The following TRPV1 variants were observed in gnomAD, a reference collection of about 807,000 sequenced individuals.
TRPV1 encodes transient receptor potential cation channel subfamily V member 1, also known as OTRPC1.
In TRPV1, 82 loss-of-function variants were observed where a neutral mutation model predicts 82.3. That is an observed-to-expected ratio of 1.00 (90% CI 0.83 to 1.20). TRPV1 has a LOEUF of 1.20. Among genes scored for constraint, TRPV1 ranks in the 50% most tolerant of loss-of-function variants. The probability of loss-of-function intolerance (pLI) is 0.00; values close to 1 mark genes in which losing one functional copy is unlikely to be tolerated. For missense variants in TRPV1, 1,067 were observed against 1,096.8 expected, an observed-to-expected ratio of 0.97 and a Z score of 0.38; for synonymous variants, 515 against 467.7, an observed-to-expected ratio of 1.10 and a Z score of -1.30.
At chr17:3,582,748 A>G (rs1294914320) in intron 10 of TRPV1, among the ~76,000 whole-genome samples, 12 of 152,006 alleles carry the variant, frequency 7.9e-5, no homozygotes, top group African/African-American at 2.4e-4. Flanking sequence ...ACCTGAGGTC[A>G]GGAGTTCGAG....
At chr17:3,567,504 T>C (rs1378341622) in intron 16 of TRPV1, among the ~76,000 whole-genome samples, 2 of 151,992 alleles carry the variant, frequency 1.3e-5, no homozygotes, top group Non-Finnish European at 2.9e-5. Flanking sequence ...AAGAGCCTCA[T>C]GCACTCTCGC....
chr17:3,590,552 C>T lies in TRPV1; in HGVS notation c.605-160G>A, dbSNP rs1051061690. On this transcript the variant is annotated intron_variant, in intron 5 of 16. Transcript: ENST00000572705. ...CACTGCAGGAGGCCAGGCCAGGGTC[C>T]CCCAAGGGGTCCCAGCAAGGTCCTG... is the stretch of plus-strand genomic sequence containing the variant. Among the ~76,000 whole-genome samples, 14 of 152,210 alleles carry T rather than the reference C, an allele frequency of 9.2e-5. 3 individuals carry two copies. Among genetic ancestry groups the T allele is most frequent in the East Asian group, 1.9e-4 (1 of 5,158 alleles).
chr17:3,570,206 A>C (rs2074833941), intron 16 of TRPV1, among the ~76,000 whole-genome samples: 1 of 151,996 alleles, frequency 6.6e-6, no homozygotes, highest in African/African-American at 2.4e-5. Context: ...CGTTTCTACT[A>C]TAAAAATACA....
chr17:3,568,177 C>G (rs1263711811), intron 16 of TRPV1, among the ~76,000 whole-genome samples: 1 of 151,984 alleles, frequency 6.6e-6, no homozygotes, highest in African/African-American at 2.4e-5. Context: ...AAAAAATTAG[C>G]CGGGCGTAGT....
intron 2 of TRPV1, among the ~76,000 whole-genome samples, chr17:3,595,282 A>G (rs2075208979): frequency 6.6e-6 from 1 of 152,176 alleles, no homozygotes; most frequent in South Asian, 2.1e-4. Flanking sequence ...GGCACAGAGC[A>G]GTTATGGCAC....
At position 3,592,231 on chromosome 17, in the gene TRPV1, G is replaced by A; in HGVS notation, c.120C>T (p.Leu40=). ...NSRPPPAKPQ[L]STAKSRTRLF... ...GCCGGGTGCGGCTCTTGGCCGTGGA[G>A]AGCTGGGGCTTGGCTGGAGGTGGCC... Residue 40 remains leucine (L), a synonymous_variant, in exon 3 of 17, where the codon CTC becomes CTT. Coordinates refer to ENST00000572705, the MANE Select transcript of TRPV1 (RefSeq NM_080704.4). 6.2e-7 allele frequency: 1 copy of A among 1,611,806 alleles called. No homozygotes were observed. Among genetic ancestry groups the A allele is most frequent in the Non-Finnish European group, 8.5e-7 (1 of 1,178,956 alleles).
At chr17:3,583,290 T>C in intron 10 of TRPV1, 48 bp downstream of exon 10, 1 of 1,513,524 alleles carries the variant, frequency 6.6e-7, no homozygotes, top group Non-Finnish European at 9.0e-7. Flanking sequence ...TTCTTGGCTT[T>C]TTGTTTTGGT....
Position 3,590,324 on chromosome 17 carries a change from C to T in TRPV1, c.673G>A (p.Gly225Arg), listed in dbSNP as rs199693737. Reference sequence around the variant, plus strand: ...TGGGCCGCAGCCTGGACGTCTGCTCCGTTCTCCACCAGGAGGGTCACCAGG... The same window carrying T: ...TGGGCCGCAGCCTGGACGTCTGCTCTGTTCTCCACCAGGAGGGTCACCAGG... ...MALVTLLVEN[G>R]ADVQAAAHGD... The change falls in exon 6 of 17, where the codon GGA becomes AGA. Residue 225 changes from glycine to arginine, a missense_variant. Physicochemically the swap from Gly to Arg is moderately radical, Grantham distance 125 (BLOSUM62 -2). Coordinates refer to ENST00000572705, the MANE Select transcript of TRPV1 (RefSeq NM_080704.4). 7.2e-5 allele frequency: 116 copies of T among 1,614,022 alleles called. No homozygotes were observed. The African/African-American group carries it at 1.1e-3, about 15-fold the overall frequency.
At chr17:3,601,756 T>C (rs161376) in intron 2 of TRPV1, 115,022 of 148,782 alleles carry the variant, frequency 0.77, 44,959 homozygotes, top group African/African-American at 0.88. Context: ...ACCACCACGC[T>C]CGGATTTTTT....
At chr17:3,570,823 C>T in intron 16 of TRPV1, among the ~76,000 whole-genome samples, 1 of 152,118 alleles carries the variant, frequency 6.6e-6, no homozygotes, top group East Asian at 1.9e-4. Flanking sequence ...AACCGATTCT[C>T]CTGCTTCAGC....
chr17:3,580,558 G>A (rs2074994236), intron 10 of TRPV1, 31 bp from the exon 11 acceptor site: 2 of 1,612,048 alleles, frequency 1.2e-6, no homozygotes, highest in Non-Finnish European at 8.5e-7. Flanking sequence ...TAAGATCCCA[G>A]GCAATGCTCG....
chr17:3,595,188 C>T (rs562638539), intron 2 of TRPV1, among the ~76,000 whole-genome samples: 10 of 152,274 alleles, frequency 6.6e-5, no homozygotes, highest in African/African-American at 1.7e-4. Context: ...AAAGCAGACA[C>T]GGTTCTCAGG....
At chr17:3,604,963 G>A (rs1432842953) in intron 2 of TRPV1, among the ~76,000 whole-genome samples, 2 of 152,084 alleles carry the variant, frequency 1.3e-5, no homozygotes, top group Admixed American at 1.3e-4. Flanking sequence ...TGCCCAACAC[G>A]TCCAGCCACA....
intron 2 of TRPV1, among the ~76,000 whole-genome samples, chr17:3,606,528 G>T (rs1472048198): frequency 5.3e-5 from 8 of 152,104 alleles, no homozygotes; most frequent in Admixed American, 5.2e-4. Context: ...TCATAGCATC[G>T]GGATACTGAC....
In TRPV1 at chr17:3,591,483, C is replaced by G. The variant is rs368754701; in HGVS notation, c.285-130G>C. ...AAGGGGAAAAATGATATAAAAGCTG[C>G]CCCTCAGTCTAGGTGACTGTCCAGA... On this transcript the variant is annotated intron_variant, in intron 3 of 16. Coordinates refer to ENST00000572705, the MANE Select transcript of TRPV1 (RefSeq NM_080704.4). 19 of 1,089,122 alleles carry G rather than the reference C, an allele frequency of 1.7e-5. No homozygotes were observed. In the African/African-American group the frequency reaches 2.1e-4, roughly 12 times the overall value. The allele number at this position is 1,089,122 out of a possible 1,614,324, so 67.5% of individuals were successfully genotyped here. A position where few individuals can be genotyped will look rare whatever the true frequency, so the allele number is the denominator to read the frequency against.
intron 2 of TRPV1, among the ~76,000 whole-genome samples, chr17:3,606,335 G>A (rs2150861722): frequency 6.6e-6 from 1 of 152,310 alleles, no homozygotes; most frequent in South Asian, 2.1e-4. Context: ...TCCTCACTCA[G>A]GGACCCAGGC....
chr17:3,603,395 A>G lies in TRPV1; in HGVS notation c.-34+5032T>C, dbSNP rs144149421. Among the ~76,000 whole-genome samples, 313 of 152,270 alleles carry G rather than the reference A, an allele frequency of 2.1e-3. 1 individual carries two copies. The highest frequency in any genetic ancestry group is 3.9e-3 in the Non-Finnish European group (268 of 68,006). ...CTGGGAACAAGAGGGACGAGGGCCA[A>G]TGGAGGGTCAGCAGGTGGGTAGAAC... On this transcript the variant is annotated intron_variant, in intron 2 of 16. Transcript: ENST00000572705.
chr17:3,590,182 C>T, intron 6 of TRPV1, 70 bp downstream of exon 6: 2 of 1,592,926 alleles, frequency 1.3e-6, no homozygotes, highest in South Asian at 2.3e-5. Flanking sequence ...TCCAAACTCC[C>T]TCTGTCTCTG....
chr17:3,603,229 G>A lies in TRPV1; in HGVS notation c.-34+5198C>T, dbSNP rs191426113. 4.2e-3 allele frequency among the ~76,000 whole-genome samples: 644 copies of A among 152,232 alleles called. 6 individuals carry two copies. The highest frequency in any genetic ancestry group is 7.5e-3 in the Non-Finnish European group (509 of 68,024). ...CCAAGAGTCTAAAAGACCAGCTTCC[G>A]TGGAGGGCAGCGGTCTGCGAGCCGG... On this transcript the variant is annotated intron_variant, in intron 2 of 16. Coordinates refer to ENST00000572705, the MANE Select transcript of TRPV1 (RefSeq NM_080704.4).
Sources: gnomAD v4.1 joint callset for allele counts (sites outside exome capture counted in the v4.1 genomes callset) on GRCh38, gnomAD v4.1.1 for gene constraint, MANE v1.5 for transcripts, NCBI Gene and HGNC (gene_info 2026-07-23, HGNC 2026-07-21) for gene names.